GPR39: variants seen among roughly 807,000 people sequenced by gnomAD.
GPR39 encodes zinc sensing receptor.
In GPR39, 23 loss-of-function variants were observed where a neutral mutation model predicts 18.4. The observed-to-expected ratio is 1.25, with a 90% CI of 0.90 to 1.77. GPR39 has a LOEUF of 1.77. Ranked by LOEUF, GPR39 falls within the 40% of genes most tolerant of loss-of-function variation. GPR39 has a pLI of 0.00. For missense variants in GPR39, 647 were observed against 602.4 expected, an observed-to-expected ratio of 1.07 and a Z score of -0.78; for synonymous variants, 280 against 257.9, an observed-to-expected ratio of 1.09 and a Z score of -0.82.
intron 1 of GPR39, among the ~76,000 whole-genome samples, chr2:132,486,491 T>C (rs1681342148): frequency 6.6e-6 from 1 of 152,250 alleles, no homozygotes; most frequent in Non-Finnish European, 1.5e-5. Flanking sequence ...TTGTTTAGTG[T>C]AGCCACCTTC....
intron 1 of GPR39, among the ~76,000 whole-genome samples, chr2:132,546,871 AT>A (rs1679960360): frequency 1.4e-5 from 2 of 145,344 alleles, no homozygotes; most frequent in East Asian, 4.0e-4. Context: ...AAAAAGAGGC[AT>A]CATATGCAAA....
intron 1 of GPR39, among the ~76,000 whole-genome samples, chr2:132,455,738 A>C (rs7594076): frequency 0.74 from 112,796 of 151,948 alleles, 43,878 homozygotes; most frequent in Non-Finnish European, 0.87. Context: ...TTTGTTATGT[A>C]CCCAGTAGTC....
chr2:132,570,962 T>C (rs992939890), intron 1 of GPR39, among the ~76,000 whole-genome samples: 1 of 152,202 alleles, frequency 6.6e-6, no homozygotes, highest in African/African-American at 2.4e-5. Flanking sequence ...ATAGTGAATA[T>C]TTACGGCAGG....
chr2:132,481,628 G>A (rs1389058461), intron 1 of GPR39, among the ~76,000 whole-genome samples: 1 of 152,156 alleles, frequency 6.6e-6, no homozygotes, highest in Non-Finnish European at 1.5e-5. Flanking sequence ...TTAACACATT[G>A]CATACATATT....
At chr2:132,419,167 C>T (rs1679963239) in intron 1 of GPR39, among the ~76,000 whole-genome samples, 1 of 152,206 alleles carries the variant, frequency 6.6e-6, no homozygotes, top group African/African-American at 2.4e-5. Context: ...TGGATTGCCC[C>T]CAGGGAGCTG....
At chr2:132,520,214 T>A (rs1466734586) in intron 1 of GPR39, among the ~76,000 whole-genome samples, 1 of 152,170 alleles carries the variant, frequency 6.6e-6, no homozygotes, top group Non-Finnish European at 1.5e-5. Context: ...CTTTACCTCC[T>A]CCAGGAAGCT....
chr2:132,590,674 G>C (rs995504363), intron 1 of GPR39, among the ~76,000 whole-genome samples: 2 of 152,116 alleles, frequency 1.3e-5, no homozygotes, highest in Non-Finnish European at 2.9e-5. Context: ...CCTAAGCACT[G>C]TTCCTCATCC....
At chr2:132,498,763 C>T (rs993428519) in intron 1 of GPR39, among the ~76,000 whole-genome samples, 2 of 152,160 alleles carry the variant, frequency 1.3e-5, no homozygotes, top group African/African-American at 4.8e-5. Flanking sequence ...GCCATTCTTG[C>T]AGGAGCAAGG....
intron 1 of GPR39, among the ~76,000 whole-genome samples, chr2:132,430,736 C>T (rs1268238890): frequency 6.6e-6 from 1 of 152,172 alleles, no homozygotes; most frequent in Non-Finnish European, 1.5e-5. Context: ...AGACTGCATG[C>T]AGTGAGAGGC....
chr2:132,429,219 T>C (rs1680181665), intron 1 of GPR39, among the ~76,000 whole-genome samples: 1 of 152,200 alleles, frequency 6.6e-6, no homozygotes, highest in Admixed American at 6.5e-5. Flanking sequence ...GGATCTGGCA[T>C]GTTTTGCAGT....
At chr2:132,520,439 A>T (rs1035991867) in intron 1 of GPR39, among the ~76,000 whole-genome samples, 5 of 152,158 alleles carry the variant, frequency 3.3e-5, no homozygotes, top group African/African-American at 1.2e-4. Context: ...CAGACCCATG[A>T]TGCAGTGGTT....
chr2:132,462,213 T>C (rs4954329), intron 1 of GPR39, among the ~76,000 whole-genome samples: 32,237 of 152,140 alleles, frequency 0.21, 3,762 homozygotes, highest in Middle Eastern at 0.37. Context: ...CCATGTTGCA[T>C]GCAGGGCCTC....
chr2:132,510,943 T>A (rs910910136), intron 1 of GPR39, among the ~76,000 whole-genome samples: 6 of 152,216 alleles, frequency 3.9e-5, no homozygotes, highest in Non-Finnish European at 8.8e-5. Context: ...ATGATGATTA[T>A]AACCAATCTG....
chr2:132,480,871 C>T (rs1573623030), intron 1 of GPR39, among the ~76,000 whole-genome samples: 1 of 152,136 alleles, frequency 6.6e-6, no homozygotes, highest in Non-Finnish European at 1.5e-5. Context: ...TGACCTTCAA[C>T]TTCTTAGTTG....
intron 1 of GPR39, among the ~76,000 whole-genome samples, chr2:132,495,933 G>C (rs898302211): frequency 1.3e-5 from 2 of 152,034 alleles, no homozygotes; most frequent in African/African-American, 2.4e-5. Context: ...ACAAGAGAAG[G>C]CCTTCTCTAC....
At chr2:132,520,085 C>G (rs1179008463) in intron 1 of GPR39, among the ~76,000 whole-genome samples, 1 of 152,076 alleles carries the variant, frequency 6.6e-6, no homozygotes, top group Non-Finnish European at 1.5e-5. Context: ...CTTTTTCTGA[C>G]TTATAATTTA....
intron 1 of GPR39, among the ~76,000 whole-genome samples, chr2:132,532,027 CAAAA>C (rs1270338608): frequency 6.6e-6 from 1 of 152,026 alleles, no homozygotes; most frequent in Admixed American, 6.6e-5. Flanking sequence ...GATAGAGACA[CAAAA>C]AACCCTTCAA....
intron 1 of GPR39, among the ~76,000 whole-genome samples, chr2:132,610,012 C>G (rs1681213151): frequency 6.6e-6 from 1 of 151,974 alleles, no homozygotes. Flanking sequence ...TGCCAAGACT[C>G]AGTTTAGACA....
At chr2:132,567,727 A>C (rs1469771259) in intron 1 of GPR39, among the ~76,000 whole-genome samples, 1 of 152,234 alleles carries the variant, frequency 6.6e-6, no homozygotes, top group Non-Finnish European at 1.5e-5. Context: ...TAGTTCAAGC[A>C]GTGGTCTTTT....
Sources: allele counts gnomAD v4.1 joint callset (sites outside exome capture counted in the v4.1 genomes callset), GRCh38; gene constraint gnomAD v4.1.1; transcripts MANE v1.5; gene names NCBI Gene and HGNC (gene_info 2026-07-23, HGNC 2026-07-21).